SLC66A2: variants seen among roughly 807,000 people sequenced by gnomAD.
The protein encoded by SLC66A2 is PQ loop repeat containing 1.
SLC66A2 carries 23 observed loss-of-function variants against 25.5 expected under a neutral mutation model. That is an observed-to-expected ratio of 0.90 (90% CI 0.65 to 1.28). The LOEUF is 1.28. Among genes scored for constraint, SLC66A2 ranks in the 50% most tolerant of loss-of-function variants. The pLI is 0.00. For missense variants in SLC66A2, 396 were observed against 373.1 expected (o/e 1.06, Z -0.51); for synonymous variants, 193 against 166.5 (o/e 1.16, Z -1.23).
intron 4 of SLC66A2, among the ~76,000 whole-genome samples, chr18:79,928,813 C>A (rs917009250): frequency 3.3e-5 from 5 of 152,142 alleles, no homozygotes; most frequent in African/African-American, 1.2e-4. Context: ...TCAGCCCCCA[C>A]CCATGGCGCA....
At chr18:79,909,864 T>C (rs1215269673) in intron 5 of SLC66A2, among the ~76,000 whole-genome samples, 1 of 108,232 alleles carries the variant, frequency 9.2e-6, no homozygotes, top group Non-Finnish European at 1.8e-5. Context: ...CCCCACCATC[T>C]CACCACAGAG....
rs565491381 is a variant in SLC66A2 at position 79,932,597 on chromosome 18, G to A, written c.391+1372C>T. ...ACCAAAAAAAGAAAGGAAAGGAGGG[G>A]ATCAAATTACTAAAGTCAGGAATAA... is the stretch of plus-strand genomic sequence containing the variant. On this transcript the variant is annotated intron_variant, in intron 4 of 5. Transcript: ENST00000397778. Among the ~76,000 whole-genome samples, 77 of 152,142 alleles carry A rather than the reference G, an allele frequency of 5.1e-4. 1 individual carries two copies. The South Asian group carries it at 0.016, about 32-fold the overall frequency.
At chr18:79,934,751 G>A (rs1229233681) in intron 3 of SLC66A2, among the ~76,000 whole-genome samples, 2 of 152,222 alleles carry the variant, frequency 1.3e-5, no homozygotes, top group African/African-American at 2.4e-5. Context: ...ATAAACAAGA[G>A]ACTCAAATAA....
chr18:79,912,070 C>CAGCAGGGAGGGGACAAG (rs1568296395), intron 5 of SLC66A2, among the ~76,000 whole-genome samples: 3 of 47,178 alleles, frequency 6.4e-5, no homozygotes, highest in African/African-American at 1.9e-4. Flanking sequence ...GAGGGGATGG[C>CAGCAGGGAGGGGACAAG]AGCAGGGAGG....
At chr18:79,929,161 C>G (rs1013969474) in intron 4 of SLC66A2, among the ~76,000 whole-genome samples, 1 of 152,198 alleles carries the variant, frequency 6.6e-6, no homozygotes, top group African/African-American at 2.4e-5. Flanking sequence ...TCAAACAGAA[C>G]CAGAAAGGAC....
intron 2 of SLC66A2, among the ~76,000 whole-genome samples, chr18:79,946,525 C>T (rs1291800978): frequency 6.6e-6 from 1 of 152,246 alleles, no homozygotes; most frequent in Non-Finnish European, 1.5e-5. Context: ...GAGCCTGCTC[C>T]TCGGGAAGCA....
intron 5 of SLC66A2, among the ~76,000 whole-genome samples, chr18:79,905,962 A>ATAGAT (rs1285820446): frequency 6.6e-6 from 1 of 152,228 alleles, no homozygotes; most frequent in Non-Finnish European, 1.5e-5. Flanking sequence ...AACTTCCTTC[A>ATAGAT]TAGATACGGG....
Position 79,903,942 on chromosome 18 carries a change from G to T in SLC66A2, c.*34C>A. 6.4e-7 allele frequency: 1 copy of T among 1,560,568 alleles called. No individual in the cohort carries two copies. The highest frequency in any genetic ancestry group is 8.7e-7 in the Non-Finnish European group (1 of 1,154,636). ...GAGGTCAGGGCCCACCAGTGCCCGC[G>T]GCTGGCGGTCCCACATCCTCGTCCT... On this transcript the variant is annotated 3_prime_UTR_variant, in exon 6 of 6. Coordinates refer to ENST00000397778, the MANE Select transcript of SLC66A2 (RefSeq NM_025078.5).
chr18:79,934,304 A>T (rs757885364), intron 3 of SLC66A2, among the ~76,000 whole-genome samples: 8 of 152,334 alleles, frequency 5.3e-5, no homozygotes, highest in Middle Eastern at 3.4e-3. Context: ...CCACATTTCC[A>T]TTTAATCTCT....
At chr18:79,911,217 G>A (rs1240305193) in intron 5 of SLC66A2, among the ~76,000 whole-genome samples, 2 of 152,236 alleles carry the variant, frequency 1.3e-5, no homozygotes, top group Non-Finnish European at 2.9e-5. Flanking sequence ...ACCCTAGGAG[G>A]GGGCTGGTTA....
rs2144843706 is a variant in SLC66A2 at position 79,927,993 on chromosome 18, CCTAA to C, written c.391+5972_391+5975del. Among the ~76,000 whole-genome samples, 1 of 152,316 alleles carries C rather than the reference CCTAA, an allele frequency of 6.6e-6. No individual in the cohort carries two copies. The highest frequency in any genetic ancestry group is 2.1e-4 in the South Asian group (1 of 4,830). On this transcript the variant is annotated intron_variant, in intron 4 of 5. Coordinates refer to ENST00000397778, the MANE Select transcript of SLC66A2 (RefSeq NM_025078.5). This position sits in a 1 kb window ranked among gnomAD's most constrained non-coding sequence, Gnocchi z 6.2. ...TTCAGGAGCCTTTTCCCCCCTTTAC[CCTAA>C]CTGACATCTCCGGGCCCCTCATTTG...
At chr18:79,913,904 C>T (rs1272484804) in intron 5 of SLC66A2, among the ~76,000 whole-genome samples, 1 of 152,302 alleles carries the variant, frequency 6.6e-6, no homozygotes, top group African/African-American at 2.4e-5. Context: ...CACCATTCGC[C>T]ACCAAAGTCT....
chr18:79,924,539 C>A, intron 4 of SLC66A2, among the ~76,000 whole-genome samples: 1 of 152,156 alleles, frequency 6.6e-6, no homozygotes, highest in Non-Finnish European at 1.5e-5. Flanking sequence ...ACACTAAAAA[C>A]CACCGAACTG....
chr18:79,924,208 T>C (rs1367717198), intron 4 of SLC66A2, among the ~76,000 whole-genome samples: 2 of 152,006 alleles, frequency 1.3e-5, no homozygotes, highest in Non-Finnish European at 2.9e-5. Flanking sequence ...TGGGGGCAGA[T>C]TTCCAAACAG....
intron 2 of SLC66A2, chr18:79,945,179 G>A (rs896194767): frequency 6.6e-6 from 1 of 152,350 alleles, no homozygotes; most frequent in Non-Finnish European, 1.5e-5. Context: ...CTCCTGGGAG[G>A]ACAGGGAGCC....
chr18:79,950,574 C>G (rs1279861179), intron 2 of SLC66A2, 150 bp downstream of exon 2: 1 of 683,304 alleles, frequency 1.5e-6, no homozygotes. Context: ...AAGTGACTTG[C>G]CTGCAGCCAC....
chr18:79,914,053 C>T (rs1380356949), intron 5 of SLC66A2, among the ~76,000 whole-genome samples: 2 of 152,168 alleles, frequency 1.3e-5, no homozygotes, highest in Non-Finnish European at 2.9e-5. Flanking sequence ...GGATTACAGA[C>T]GCCTGCCACA....
intron 5 of SLC66A2, among the ~76,000 whole-genome samples, chr18:79,907,966 T>A (rs1019123126): frequency 6.6e-6 from 1 of 152,180 alleles, no homozygotes; most frequent in Non-Finnish European, 1.5e-5. Flanking sequence ...AACATTTTAT[T>A]ACTTTAAGTG....
chr18:79,904,167 T>A lies in SLC66A2; in HGVS notation c.625A>T (p.Met209Leu), dbSNP rs1408855595. 1 of 1,612,782 alleles carries A rather than the reference T, an allele frequency of 6.2e-7. No homozygotes were observed. Among genetic ancestry groups the A allele is most frequent in the Non-Finnish European group, 8.5e-7 (1 of 1,179,726 alleles). The part of the protein sequence containing the change: ...TEGMSIKMVL[M>L]WTSGDAFKTA... ...TTGAAGGCGTCACCACTGGTCCACATGAGCACCATCTTGATGCTGTGGAGA... is the reference window on the plus strand; with the variant it reads ...TTGAAGGCGTCACCACTGGTCCACAAGAGCACCATCTTGATGCTGTGGAGA... The change falls in exon 6 of 6, where the codon ATG (methionine) becomes TTG (leucine). Residue 209 changes from methionine (M) to leucine (L), a missense_variant. Coordinates refer to ENST00000397778, the MANE Select transcript of SLC66A2 (RefSeq NM_025078.5). This position sits in a 1 kb window ranked among gnomAD's most constrained non-coding sequence, Gnocchi z 6.3.
Sources: gnomAD v4.1 joint callset for allele counts (sites outside exome capture counted in the v4.1 genomes callset) on GRCh38, gnomAD v4.1.1 for gene constraint, Gnocchi (gnomAD v3.1) non-coding constraint, MANE v1.5 for transcripts, NCBI Gene and HGNC (gene_info 2026-07-23, HGNC 2026-07-21) for gene names.